The following ADCK1 variants were observed in gnomAD, a reference collection of about 807,000 sequenced individuals.
ADCK1 encodes the protein aarF domain containing kinase 1.
A neutral mutation model predicts 52.3 loss-of-function variants in ADCK1; 41 were observed. That is an observed-to-expected ratio of 0.78 (90% confidence interval 0.61 to 1.02). The LOEUF is 1.02. Ranked by LOEUF, ADCK1 falls within the 50% of genes least tolerant of loss-of-function variation. The pLI is 0.00. For missense variants in ADCK1, 658 were observed against 679.5 expected, an observed-to-expected ratio of 0.97 and a Z score of 0.35; for synonymous variants, 250 against 274.6, an observed-to-expected ratio of 0.91 and a Z score of 0.89.
rs754612553 is a variant in ADCK1, at chr14:77,822,443, C to T, written c.144C>T (p.Val48=). The T allele has an allele frequency of 1.2e-6, 2 of 1,613,936 alleles. No homozygotes were observed. The highest frequency in any genetic ancestry group is 3.3e-5 in the Admixed American group (2 of 60,018). ...ACTGCCTTGGTTCACAGACGGCTGT[C>T]ATCAGTTACGACTACCTCACTTCCC... ...RVGRAVATTA[V]ISYDYLTSLK... The change falls in exon 3 of 11, where the codon GTC becomes GTT. Residue 48 remains valine (V), a synonymous_variant. Transcript: ENST00000238561.
In ADCK1 at chr14:77,933,291, G is replaced by A. The variant is rs771954443; in HGVS notation, c.1472G>A (p.Trp491Ter). ...TCTTTCAGCGAGGCCTTCAACTTAT[G>A]GCAGATCAACCTCCATGAGCTCATC... ...QISFSEAFNL[W>*]QINLHELILR... Residue 491 changes from tryptophan to a stop codon, truncating the protein, a stop_gained, in exon 11 of 11, where the codon TGG (tryptophan) becomes TAG (stop). Coordinates refer to ENST00000238561, the MANE Select transcript of ADCK1 (RefSeq NM_020421.4). LOFTEE classifies it high-confidence loss of function. The A allele has an allele frequency of 6.2e-7, 1 of 1,613,968 alleles. No individual in the cohort carries two copies.
chr14:77,906,488 C>G (rs1246011173), intron 6 of ADCK1, among the ~76,000 whole-genome samples: 3 of 152,124 alleles, frequency 2.0e-5, no homozygotes, highest in Non-Finnish European at 4.4e-5. Context: ...TTATGAGAGT[C>G]AGAGAGGGTT....
intron 3 of ADCK1, among the ~76,000 whole-genome samples, chr14:77,851,122 C>CTT (rs149170159): frequency 3.2e-4 from 45 of 141,596 alleles, no homozygotes; most frequent in African/African-American, 6.2e-4. Flanking sequence ...ACATTTGGGT[C>CTT]TTTTTTTTTT....
At chr14:77,861,989 C>T (rs564486330) in intron 4 of ADCK1, among the ~76,000 whole-genome samples, 58 of 152,226 alleles carry the variant, frequency 3.8e-4, no homozygotes, top group East Asian at 1.5e-3. Context: ...GCAGGGAGTG[C>T]GCTGGGGCCA....
chr14:77,822,652 G>A, intron 3 of ADCK1, 134 bp downstream of exon 3: 2 of 753,208 alleles, frequency 2.7e-6, no homozygotes, highest in Non-Finnish European at 4.4e-6. Flanking sequence ...GCCCGGCCTA[G>A]GATTGGATAA....
At chr14:77,889,692 C>A (rs559826772) in intron 5 of ADCK1, among the ~76,000 whole-genome samples, 2 of 152,218 alleles carry the variant, frequency 1.3e-5, no homozygotes, top group East Asian at 3.9e-4. Flanking sequence ...ATCGGGATGC[C>A]TCTCAGAACA....
chr14:77,852,898 TATA>T (rs2082334863), intron 3 of ADCK1, among the ~76,000 whole-genome samples: 1 of 42,252 alleles, frequency 2.4e-5, no homozygotes, highest in Non-Finnish European at 4.4e-5. Flanking sequence ...TATATATATA[TATA>T]TATATATTTT....
intron 3 of ADCK1, among the ~76,000 whole-genome samples, chr14:77,855,267 A>C (rs929226628): frequency 7.2e-5 from 11 of 152,220 alleles, no homozygotes; most frequent in Non-Finnish European, 2.9e-5. Flanking sequence ...ATCCCCTTGT[A>C]GTAAGTATGG....
intron 4 of ADCK1, among the ~76,000 whole-genome samples, chr14:77,884,678 G>A (rs965477637): frequency 6.6e-6 from 1 of 152,204 alleles, no homozygotes; most frequent in Non-Finnish European, 1.5e-5. Flanking sequence ...TGCAGCAGAG[G>A]CTTTCTTCTT....
Position 77,934,703 on chromosome 14 carries a change from A to G in ADCK1, c.*1312A>G, listed in dbSNP as rs2084413482. On this transcript the variant is annotated 3_prime_UTR_variant, in exon 11 of 11. Coordinates refer to ENST00000238561, the MANE Select transcript of ADCK1 (RefSeq NM_020421.4). Reference sequence around the variant, plus strand: ...CTACTGTCTGCTTTCACGGACAGTAATTGTATTTGAGCCTCTCTGATCTTA... The same window carrying G: ...CTACTGTCTGCTTTCACGGACAGTAGTTGTATTTGAGCCTCTCTGATCTTA... 2 of 152,164 alleles carry G rather than the reference A, an allele frequency of 1.3e-5. No homozygotes were observed. The highest frequency in any genetic ancestry group is 2.9e-5 in the Non-Finnish European group (2 of 68,052). 9.4% of individuals were successfully genotyped at this position (152,164 alleles called of 1,614,324 possible).
At chr14:77,814,335 T>C (rs1408234817) in intron 1 of ADCK1, among the ~76,000 whole-genome samples, 3 of 151,518 alleles carry the variant, frequency 2.0e-5, no homozygotes, top group Non-Finnish European at 2.9e-5. Context: ...CATCTTGGCT[T>C]CCCAAAGTGC....
intron 4 of ADCK1, among the ~76,000 whole-genome samples, chr14:77,884,798 A>G (rs1465928572): frequency 6.6e-6 from 1 of 152,248 alleles, no homozygotes; most frequent in Non-Finnish European, 1.5e-5. Context: ...ATTGAGTCTG[A>G]TTGGACCAGT....
At chr14:77,805,808 CAAAA>C in intron 1 of ADCK1, among the ~76,000 whole-genome samples, 1 of 151,908 alleles carries the variant, frequency 6.6e-6, no homozygotes. Flanking sequence ...AAAAAAATCT[CAAAA>C]AACCTCCCAA....
chr14:77,824,840 T>A (rs2081659927), intron 3 of ADCK1, among the ~76,000 whole-genome samples: 1 of 152,210 alleles, frequency 6.6e-6, no homozygotes, highest in African/African-American at 2.4e-5. Flanking sequence ...GTCTATAACA[T>A]TTCGTCGCTC....
chr14:77,894,831 C>T (rs777361957), intron 5 of ADCK1, among the ~76,000 whole-genome samples: 5 of 142,336 alleles, frequency 3.5e-5, no homozygotes, highest in Non-Finnish European at 6.0e-5. Context: ...AGGCTCACTG[C>T]AACCTCTGCC....
At chr14:77,886,440 G>A (rs1232747527) in intron 4 of ADCK1, among the ~76,000 whole-genome samples, 2 of 152,200 alleles carry the variant, frequency 1.3e-5, no homozygotes, top group Non-Finnish European at 2.9e-5. Context: ...ACAGTTCAAT[G>A]GGCAAATAAA....
intron 10 of ADCK1, among the ~76,000 whole-genome samples, chr14:77,932,940 T>C (rs1411703360): frequency 6.6e-6 from 1 of 152,238 alleles, no homozygotes; most frequent in Non-Finnish European, 1.5e-5. Context: ...AAAGAAACAT[T>C]GGAATGTTCT....
At chr14:77,823,534 C>A (rs1281716242) in intron 3 of ADCK1, among the ~76,000 whole-genome samples, 2 of 151,938 alleles carry the variant, frequency 1.3e-5, no homozygotes, top group Non-Finnish European at 2.9e-5. Flanking sequence ...CAACATTTTG[C>A]CCATCTTGTT....
intron 3 of ADCK1, among the ~76,000 whole-genome samples, chr14:77,845,393 T>C (rs1376081198): frequency 6.6e-6 from 1 of 152,208 alleles, no homozygotes; most frequent in East Asian, 1.9e-4. Flanking sequence ...ACTTAATCCA[T>C]GATAGTAGCT....
Sources: gnomAD v4.1 joint callset for allele counts (sites outside exome capture counted in the v4.1 genomes callset) on GRCh38, gnomAD v4.1.1 for gene constraint, MANE v1.5 for transcripts, NCBI Gene and HGNC (gene_info 2026-07-23, HGNC 2026-07-21) for gene names.